CRISP1: variants seen among roughly 807,000 people sequenced by gnomAD.
CRISP1 encodes cysteine rich secretory protein 1, also known as cysteine-rich secretory protein 1.
In CRISP1, 44 loss-of-function variants were observed where a neutral mutation model predicts 33.1. The ratio of observed to expected loss-of-function variants is 1.33; its 90% CI spans 1.05 to 1.71. The LOEUF is 1.71. Ranked by LOEUF, CRISP1 falls within the 40% of genes most tolerant of loss-of-function variation. The pLI, the probability that CRISP1 is intolerant of heterozygous loss-of-function variation, is 0.00. For missense variants in CRISP1, 390 were observed against 301.2 expected (o/e 1.29, Z -2.18); for synonymous variants, 103 against 98.7 (o/e 1.04, Z -0.26).
chr6:49,842,586 A>G (rs2127470420), intron 5 of CRISP1, among the ~76,000 whole-genome samples: 1 of 152,282 alleles, frequency 6.6e-6, no homozygotes, highest in African/African-American at 2.4e-5. Flanking sequence ...GCCTTGTGGT[A>G]TATTCCCCCA....
In CRISP1 at chr6:49,846,760, A is replaced by G. The variant is rs796130983; in HGVS notation, c.287-92T>C. 1.3e-5 allele frequency: 16 copies of G among 1,224,708 alleles called. No individual in the cohort carries two copies. In the South Asian group the frequency reaches 2.4e-4, roughly 19 times the overall value. 75.9% of individuals were successfully genotyped at this position (1,224,708 alleles called of 1,614,324 possible). On this transcript the variant is annotated intron_variant, in intron 4 of 7. Coordinates refer to ENST00000335847, the MANE Select transcript of CRISP1 (RefSeq NM_001131.3). ...CTCATTTTTATTTTATGAATGGTTC[A>G]CTGATCATCTTGACAACATCTTCTG...
Position 49,835,461 on chromosome 6 carries a change from G to A in CRISP1, c.623-18C>T. ...GGGGTTAGCTGAAAGAAAATAGTAT[G>A]GTTTTACAACACAGTCTTTTAAAAA... On this transcript the variant is annotated intron_variant, in intron 7 of 7. Coordinates refer to ENST00000335847, the MANE Select transcript of CRISP1 (RefSeq NM_001131.3). The A allele has an allele frequency of 6.2e-7, 1 of 1,611,050 alleles. No homozygotes were observed. The highest frequency in any genetic ancestry group is 8.5e-7 in the Non-Finnish European group (1 of 1,178,460).
intron 3 of CRISP1, among the ~76,000 whole-genome samples, chr6:49,850,663 C>T (rs2127473717): frequency 6.6e-6 from 1 of 152,238 alleles, no homozygotes; most frequent in South Asian, 2.1e-4. Context: ...TTTACTGGTA[C>T]ACTTACTTTT....
intron 2 of CRISP1, 124 bp from the exon 3 acceptor site, chr6:49,852,253 G>T: frequency 2.4e-6 from 2 of 839,862 alleles, no homozygotes; most frequent in Non-Finnish European, 1.8e-6. Flanking sequence ...TAGCATTTTT[G>T]AATTTATAAT....
upstream of CRISP1, among the ~76,000 whole-genome samples, chr6:49,867,388 A>C (rs752020470): frequency 6.6e-6 from 1 of 152,062 alleles, no homozygotes; most frequent in Non-Finnish European, 1.5e-5. Flanking sequence ...CTCTTTTTAA[A>C]ATTATGAATT....
upstream of CRISP1, among the ~76,000 whole-genome samples, chr6:49,869,219 G>A (rs540012950): frequency 6.0e-4 from 91 of 152,226 alleles, no homozygotes; most frequent in Middle Eastern, 3.4e-3. Flanking sequence ...ATCTCTGATG[G>A]CTTTCCTGCT....
intron 5 of CRISP1, among the ~76,000 whole-genome samples, chr6:49,842,865 G>C (rs1208680083): frequency 1.3e-5 from 2 of 152,156 alleles, no homozygotes; most frequent in Non-Finnish European, 2.9e-5. Flanking sequence ...ATAACTGGTG[G>C]AATGTAAAAT....
Position 49,839,972 on chromosome 6 carries a change from T to A in CRISP1, c.533+926A>T, listed in dbSNP as rs150642870. ...ATTGATTTATACTGAACATTTTGTA[T>A]TGTGCTACATACATGGGAGGCAGTG... On this transcript the variant is annotated intron_variant, in intron 6 of 7. Coordinates refer to ENST00000335847, the MANE Select transcript of CRISP1 (RefSeq NM_001131.3). Among the ~76,000 whole-genome samples, 443 of 152,312 alleles carry A rather than the reference T, an allele frequency of 2.9e-3. 6 individuals carry two copies. Among genetic ancestry groups the A allele is most frequent in the African/African-American group, 9.9e-3 (410 of 41,560 alleles).
intron 2 of CRISP1, among the ~76,000 whole-genome samples, chr6:49,856,542 C>A (rs1160649819): frequency 2.0e-5 from 3 of 152,060 alleles, no homozygotes; most frequent in Non-Finnish European, 4.4e-5. Flanking sequence ...AACCAAATAC[C>A]AAACCAACAC....
In CRISP1 at chr6:49,841,104, C is replaced by T. The variant is rs886591113; in HGVS notation, c.436-109G>A. ...AGTAAACATGTTGCTTTTAGGTTTACTTTGGGCATGGCTTAATAAGAAGTC... is the reference window on the plus strand; with the variant it reads ...AGTAAACATGTTGCTTTTAGGTTTATTTTGGGCATGGCTTAATAAGAAGTC... On this transcript the variant is annotated intron_variant, in intron 5 of 7. Transcript: ENST00000335847. 5.6e-5 allele frequency: 55 copies of T among 979,336 alleles called. 1 individual carries two copies. In the Middle Eastern group the frequency reaches 2.0e-3, roughly 36 times the overall value. The allele number at this position is 979,336 out of a possible 1,614,324, so 60.7% of individuals were successfully genotyped here.
intron 3 of CRISP1, 80 bp from the exon 4 acceptor site, chr6:49,848,379 C>T (rs57789146): frequency 0.13 from 102,842 of 792,468 alleles, 7,712 homozygotes; most frequent in African/African-American, 0.16. Context: ...TAATAATCCA[C>T]GAGATATAAT....
chr6:49,858,354 C>T (rs977486270), intron 1 of CRISP1, among the ~76,000 whole-genome samples: 3 of 152,098 alleles, frequency 2.0e-5, no homozygotes, highest in African/African-American at 7.2e-5. Flanking sequence ...TGAATTAATC[C>T]TGCTGTGTGA....
Position 49,835,438 on chromosome 6 carries a change from G to C in CRISP1, c.628C>G (p.Pro210Ala), listed in dbSNP as rs1400987560. The C allele has an allele frequency of 1.9e-6, 3 of 1,612,756 alleles. No homozygotes were observed. The African/African-American group carries it at 4.0e-5, about 22-fold the overall frequency. The change falls in exon 8 of 8, where the codon CCC (proline) becomes GCC (alanine). Residue 210 changes from proline to alanine, a missense_variant. Physicochemically the swap from Pro to Ala is conservative, Grantham distance 27. Transcript: ENST00000335847. Reference protein sequence around the residue: ...SNCEDKLCTNPCIYYDEYFDC... With the variant: ...SNCEDKLCTNACIYYDEYFDC... ...AAGTATTCATCATAGTAGATGCAGG[G>C]GTTAGCTGAAAGAAAATAGTATGGT...
chr6:49,848,386 T>C, intron 3 of CRISP1, 87 bp from the exon 4 acceptor site: 2 of 704,634 alleles, frequency 2.8e-6, no homozygotes, highest in Non-Finnish European at 4.6e-6. Context: ...CCACGAGATA[T>C]AATATCTTCA....
intron 1 of CRISP1, 51 bp from the exon 2 acceptor site, chr6:49,857,453 A>T (rs1561947201): frequency 6.6e-7 from 1 of 1,524,186 alleles, no homozygotes; most frequent in South Asian, 1.1e-5. Flanking sequence ...ATGGGATAAC[A>T]TCTGGTAATA....
At chr6:49,855,282 G>A (rs912666828) in intron 2 of CRISP1, among the ~76,000 whole-genome samples, 5 of 151,902 alleles carry the variant, frequency 3.3e-5, no homozygotes, top group Admixed American at 1.3e-4. Context: ...ATCATCATTC[G>A]GAGTAAAAAT....
In CRISP1 at chr6:49,875,635, C is replaced by T. The variant is rs1179407958; in HGVS notation, c.-3+1374G>A. On this transcript the variant is annotated intron_variant, in intron 1 of 7. Transcript: ENST00000505118. ...AACAAAGCTGGAGGCATCACTCTACCCAACTTCAAACTATACTACAAGGCT... is the reference window on the plus strand; with the variant it reads ...AACAAAGCTGGAGGCATCACTCTACTCAACTTCAAACTATACTACAAGGCT... 3.9e-5 allele frequency among the ~76,000 whole-genome samples: 6 copies of T among 152,124 alleles called. 1 individual carries two copies. The South Asian group carries it at 1.2e-3, about 32-fold the overall frequency.
At chr6:49,843,381 T>C (rs1027032841) in intron 5 of CRISP1, among the ~76,000 whole-genome samples, 17 of 152,208 alleles carry the variant, frequency 1.1e-4, no homozygotes, top group African/African-American at 3.9e-4. Context: ...ATATGCTTTA[T>C]CTTCATTGGC....
At chr6:49,855,408 C>T (rs1771466950) in intron 2 of CRISP1, among the ~76,000 whole-genome samples, 1 of 151,996 alleles carries the variant, frequency 6.6e-6, no homozygotes, top group Non-Finnish European at 1.5e-5. Flanking sequence ...TGTTTATTCT[C>T]AGCCTCTATT....
Sources: allele counts gnomAD v4.1 joint callset (sites outside exome capture counted in the v4.1 genomes callset), GRCh38; gene constraint gnomAD v4.1.1; transcripts MANE v1.5; gene names NCBI Gene and HGNC (gene_info 2026-07-23, HGNC 2026-07-21).